The following ACSM2A variants were observed in gnomAD, a reference collection of about 807,000 sequenced individuals.
ACSM2A encodes acyl-coenzyme A synthetase ACSM2A, mitochondrial.
In ACSM2A, 72 loss-of-function variants were observed where a neutral mutation model predicts 76.6. That is an observed-to-expected ratio of 0.94 (90% confidence interval 0.78 to 1.14). The LOEUF (loss-of-function observed/expected upper bound fraction) is 1.14. ACSM2A is among the 50% of genes most tolerant of loss of function. The pLI is 0.00. For synonymous variants in ACSM2A, 249 were observed against 255.9 expected (o/e 0.97, Z 0.26); for missense variants, 684 against 708.5 (o/e 0.97, Z 0.39).
At position 20,486,645 on chromosome 16, in the gene ACSM2A, G is replaced by C; in HGVS notation, c.1701G>C (p.Glu567Asp). The C allele has an allele frequency of 3.7e-6, 6 of 1,614,204 alleles. No homozygotes were observed. The highest frequency in any genetic ancestry group is 5.1e-6 in the Non-Finnish European group (6 of 1,180,034). Residue 567 changes from glutamate (E) to aspartate (D), a missense_variant, in exon 14 of 14, where the codon GAG becomes GAC. Around this residue, in one of 3 missense-constraint regions of ACSM2A, gnomAD observed 159 missense variants for 132.5 expected, o/e 1.20. Transcript: ENST00000573854. ...AACGAGCCAAGCTTCGAGACAAGGA[G>C]TGGAAGATGTCCGGAAAAGCCCGTG... ...KIQRAKLRDKEWKMSGKARAQ is the reference protein window; with the variant it reads ...KIQRAKLRDKDWKMSGKARAQ
At chr16:20,472,339 G>C (rs1232019520) in intron 6 of ACSM2A, among the ~76,000 whole-genome samples, 1 of 152,214 alleles carries the variant, frequency 6.6e-6, no homozygotes, top group Admixed American at 6.5e-5. Flanking sequence ...TTCCTGGCTT[G>C]CTGATGGCTC....
chr16:20,484,956 G>A (rs970411698), intron 13 of ACSM2A, among the ~76,000 whole-genome samples: 13 of 152,082 alleles, frequency 8.5e-5, no homozygotes, highest in Non-Finnish European at 1.8e-4. Flanking sequence ...TGAGAATGAG[G>A]CAGCATAGCA....
intron 10 of ACSM2A, 110 bp downstream of exon 10, chr16:20,478,787 C>A: frequency 7.3e-7 from 1 of 1,372,302 alleles, no homozygotes. Flanking sequence ...GATGTGGAGA[C>A]AAAGACTGTC....
rs751125713 is a variant in ACSM2A at position 20,486,930 on chromosome 16, AC to A, written c.*253del. On this transcript the variant is annotated 3_prime_UTR_variant, in exon 14 of 14. Transcript: ENST00000573854. ...AAAAGTAAGTCAGGGAAATATTAAA[AC>A]TGCAAGGGAAAGCAATTGAAAAAGA... 149 of 374,546 alleles carry A rather than the reference AC, an allele frequency of 4.0e-4. No homozygotes were observed. Among genetic ancestry groups the A allele is most frequent in the Non-Finnish European group, 5.9e-4 (125 of 211,168 alleles). 23.2% of individuals were successfully genotyped at this position (374,546 alleles called of 1,614,324 possible). A position where few individuals can be genotyped will look rare whatever the true frequency, so the allele number is the denominator to read the frequency against.
chr16:20,456,788 G>A (rs2141682169), intron 1 of ACSM2A, among the ~76,000 whole-genome samples: 1 of 147,756 alleles, frequency 6.8e-6, no homozygotes, highest in East Asian at 2.1e-4. Flanking sequence ...CATAAGAAAG[G>A]AAATAACCAA....
At chr16:20,457,720 G>A (rs1384745948) in intron 1 of ACSM2A, among the ~76,000 whole-genome samples, 3 of 151,976 alleles carry the variant, frequency 2.0e-5, no homozygotes, top group Non-Finnish European at 4.4e-5. Context: ...TAGTGAATGG[G>A]GAAAAGTTGA....
chr16:20,469,875 T>TC (rs1192356808), intron 4 of ACSM2A, among the ~76,000 whole-genome samples, 156 bp downstream of exon 4: 1 of 132,924 alleles, frequency 7.5e-6, no homozygotes, highest in African/African-American at 3.0e-5. Flanking sequence ...CAAGGGTATT[T>TC]TTTTTTTTTT....
chr16:20,469,526 C>T lies in ACSM2A; in HGVS notation c.403C>T (p.Pro135Ser). The change falls in exon 4 of 14, where the codon CCT becomes TCT. Residue 135 changes from proline (P) to serine (S), a missense_variant. Pro to Ser is a moderately conservative substitution (Grantham distance 74, BLOSUM62 -1). Transcript: ENST00000573854. ...GCIRAGLIFM[P>S]GTIQMKSTDI... Reference sequence around the variant, plus strand: ...GGCTTCTTTAGGTCTCATCTTTATGCCTGGAACCATCCAGATGAAATCCAC... The same window carrying T: ...GGCTTCTTTAGGTCTCATCTTTATGTCTGGAACCATCCAGATGAAATCCAC... The T allele has an allele frequency of 6.2e-7, 1 of 1,613,078 alleles. No homozygotes were observed. Among genetic ancestry groups the T allele is most frequent in the Non-Finnish European group, 8.5e-7 (1 of 1,179,146 alleles).
intron 8 of ACSM2A, 117 bp downstream of exon 8, chr16:20,475,890 G>T (rs1402014001): frequency 6.5e-7 from 1 of 1,542,000 alleles, no homozygotes; most frequent in Non-Finnish European, 8.7e-7. Context: ...AGTATTTATT[G>T]AGCCTCTATG....
intron 12 of ACSM2A, chr16:20,482,410 T>C (rs528556640): frequency 1.3e-5 from 2 of 152,200 alleles, no homozygotes; most frequent in African/African-American, 4.8e-5. Context: ...CTTATAGAAA[T>C]AGGCTCAGAT....
chr16:20,458,934 A>G (rs982199774), intron 1 of ACSM2A, among the ~76,000 whole-genome samples: 2 of 69,030 alleles, frequency 2.9e-5, no homozygotes, highest in South Asian at 4.6e-4. Flanking sequence ...ATATATATAC[A>G]TATATATATA....
Position 20,469,628 on chromosome 16 carries a change from A to G in ACSM2A, c.505A>G (p.Thr169Ala), listed in dbSNP as rs754225307. Residue 169 changes from threonine (T) to alanine (A), a missense_variant, in exon 4 of 14, where the codon ACA becomes GCA. Physicochemically the swap from Thr to Ala is moderately conservative, Grantham distance 58. Transcript: ENST00000573854. Reference sequence around the variant, plus strand: ...GGATGAAGTCATCCAAGAAGTGGACACAGTGGCATCTGAATGTCCTTCTCT... The same window carrying G: ...GGATGAAGTCATCCAAGAAGTGGACGCAGTGGCATCTGAATGTCCTTCTCT... ...AGDEVIQEVD[T>A]VASECPSLRI... 1 of 1,613,850 alleles carries G rather than the reference A, an allele frequency of 6.2e-7. No individual in the cohort carries two copies. The highest frequency in any genetic ancestry group is 8.5e-7 in the Non-Finnish European group (1 of 1,179,846).
At chr16:20,475,531 G>T (rs926446574) in intron 7 of ACSM2A, 90 bp downstream of exon 7, 2 of 1,601,736 alleles carry the variant, frequency 1.2e-6, no homozygotes, top group Admixed American at 3.4e-5. Flanking sequence ...TGAATCTCTC[G>T]CACACAGAGA....
Position 20,458,353 on chromosome 16 carries a change from A to G in ACSM2A, c.-8-1754A>G, listed in dbSNP as rs927021076. Among the ~76,000 whole-genome samples, 3 of 147,344 alleles carry G rather than the reference A, an allele frequency of 2.0e-5. No homozygotes were observed. The Admixed American group carries it at 2.1e-4, about 10-fold the overall frequency. ...TATATATACTATATATTATATATCTAATATATCTAGATATATATGTATTAT... is the reference window on the plus strand; with the variant it reads ...TATATATACTATATATTATATATCTGATATATCTAGATATATATGTATTAT... On this transcript the variant is annotated intron_variant, in intron 1 of 13. Coordinates refer to ENST00000573854, the MANE Select transcript of ACSM2A (RefSeq NM_001308172.2).
chr16:20,486,463 C>A lies in ACSM2A; in HGVS notation c.1630-111C>A, dbSNP rs551982272. ...GCTTCTTATTGCACAGGGCAGCTGC[C>A]CTGAAGTGGCTCCAGCCTGAAGAAC... On this transcript the variant is annotated intron_variant, in intron 13 of 13. Transcript: ENST00000573854. 6.3e-5 allele frequency: 76 copies of A among 1,203,676 alleles called. No individual in the cohort carries two copies. The South Asian group carries it at 9.4e-4, about 15-fold the overall frequency. The allele number at this position is 1,203,676 out of a possible 1,614,324, so 74.6% of individuals were successfully genotyped here.
Position 20,483,041 on chromosome 16 carries a change from C to G in ACSM2A, c.1510-17C>G, listed in dbSNP as rs765567629. ...CACACTCTAATCCCTTCTCTCTGGCCTTCATCTTTTTTGCAGGTGGTGAAG... is the reference window on the plus strand; with the variant it reads ...CACACTCTAATCCCTTCTCTCTGGCGTTCATCTTTTTTGCAGGTGGTGAAG... On this transcript the variant is annotated splice_polypyrimidine_tract_variant and intron_variant, in intron 12 of 13. Coordinates refer to ENST00000573854, the MANE Select transcript of ACSM2A (RefSeq NM_001308172.2). 6 of 1,613,008 alleles carry G rather than the reference C, an allele frequency of 3.7e-6. 1 individual carries two copies. The South Asian group carries it at 6.6e-5, about 18-fold the overall frequency.
chr16:20,463,272 A>T (rs566834830), intron 2 of ACSM2A, among the ~76,000 whole-genome samples: 4 of 152,138 alleles, frequency 2.6e-5, no homozygotes, highest in Admixed American at 2.0e-4. Flanking sequence ...CCAAAAAAAA[A>T]AGAGAATATT....
At chr16:20,461,266 G>A (rs1346544173) in intron 2 of ACSM2A, among the ~76,000 whole-genome samples, 1 of 149,518 alleles carries the variant, frequency 6.7e-6, no homozygotes, top group African/African-American at 2.5e-5. Context: ...TTGCCTCTAG[G>A]CTGAAGACGG....
In ACSM2A at chr16:20,465,506, T is replaced by C. The variant is rs2012932415; in HGVS notation, c.178-11T>C. 3 of 1,613,750 alleles carry C rather than the reference T, an allele frequency of 1.9e-6. No individual in the cohort carries two copies. The highest frequency in any genetic ancestry group is 2.5e-6 in the Non-Finnish European group (3 of 1,179,682). Reference sequence around the variant, plus strand: ...AATGCCCCCTGATCAACAGGGCTTCTCTTTCCTCAGGCTGGCAAGCGACTC... The same window carrying C: ...AATGCCCCCTGATCAACAGGGCTTCCCTTTCCTCAGGCTGGCAAGCGACTC... On this transcript the variant is annotated splice_polypyrimidine_tract_variant and intron_variant, in intron 2 of 13. Transcript: ENST00000573854.
Sources: allele counts gnomAD v4.1 joint callset (sites outside exome capture counted in the v4.1 genomes callset), GRCh38; gene constraint gnomAD v4.1.1; regional missense constraint gnomAD v4.1.1; transcripts MANE v1.5; gene names NCBI Gene and HGNC (gene_info 2026-07-23, HGNC 2026-07-21).